EHBP1: variants seen among roughly 807,000 people sequenced by gnomAD.
The protein encoded by EHBP1 is EH domain binding protein 1.
A neutral mutation model predicts 144.0 loss-of-function variants in EHBP1; 55 were observed. The observed-to-expected ratio is 0.38, with a 90% confidence interval of 0.31 to 0.48. The LOEUF (loss-of-function observed/expected upper bound fraction) is 0.48, where lower values mean the gene tolerates loss of function less well. Among genes scored for constraint, EHBP1 ranks in the 20% least tolerant of loss-of-function variants. The pLI is 0.98. For missense variants in EHBP1, 1,200 were observed against 1,364.2 expected, an observed-to-expected ratio of 0.88 and a Z score of 1.90; for synonymous variants, 469 against 472.7, an observed-to-expected ratio of 0.99 and a Z score of 0.10.
At chr2:62,684,444 G>A (rs1357739736) in intron 1 of EHBP1, among the ~76,000 whole-genome samples, 1 of 152,106 alleles carries the variant, frequency 6.6e-6, no homozygotes, top group Non-Finnish European at 1.5e-5. Flanking sequence ...TTGAAAAGTC[G>A]GTTCTTCAAG....
At chr2:62,984,766 A>G (rs1559025009) in intron 15 of EHBP1, among the ~76,000 whole-genome samples, 1 of 152,192 alleles carries the variant, frequency 6.6e-6, no homozygotes. Context: ...CTTTTATCTA[A>G]GGTTAGCAGT....
At chr2:62,983,590 G>A (rs1348761630) in intron 15 of EHBP1, among the ~76,000 whole-genome samples, 5 of 152,140 alleles carry the variant, frequency 3.3e-5, no homozygotes, top group Non-Finnish European at 7.4e-5. Flanking sequence ...GCCCAAGCTG[G>A]AGTGCAATGG....
At chr2:62,779,016 A>G (rs1325806186) in intron 5 of EHBP1, among the ~76,000 whole-genome samples, 4 of 152,142 alleles carry the variant, frequency 2.6e-5, no homozygotes, top group Admixed American at 2.6e-4. Flanking sequence ...TCAAGAATAC[A>G]TTTCCAAAGG....
chr2:62,887,282 G>C (rs1028782863), intron 10 of EHBP1, among the ~76,000 whole-genome samples: 3 of 152,070 alleles, frequency 2.0e-5, no homozygotes, highest in African/African-American at 7.2e-5. Flanking sequence ...AAAATCAAGA[G>C]TTCTATTACT....
At chr2:63,033,698 C>A (rs1180445378) in intron 19 of EHBP1, among the ~76,000 whole-genome samples, 1 of 151,922 alleles carries the variant, frequency 6.6e-6, no homozygotes, top group African/African-American at 2.4e-5. Flanking sequence ...GTTGAAAATA[C>A]TACTTCTGAA....
chr2:62,690,578 T>C (rs2033873989), intron 1 of EHBP1, among the ~76,000 whole-genome samples: 1 of 151,868 alleles, frequency 6.6e-6, no homozygotes, highest in South Asian at 2.1e-4. Flanking sequence ...AATAAATTAA[T>C]TAAATAAAAA....
intron 19 of EHBP1, among the ~76,000 whole-genome samples, chr2:63,012,047 C>T (rs1342431032): frequency 6.6e-6 from 1 of 151,412 alleles, no homozygotes; most frequent in Non-Finnish European, 1.5e-5. Flanking sequence ...TTTGTTGTTA[C>T]CGTTGTTGTT....
intron 7 of EHBP1, among the ~76,000 whole-genome samples, chr2:62,855,390 T>A (rs1281943697): frequency 6.6e-5 from 10 of 152,126 alleles, no homozygotes; most frequent in Admixed American, 4.6e-4. Flanking sequence ...AGCTCCATGC[T>A]GGCCTGCAGG....
intron 19 of EHBP1, among the ~76,000 whole-genome samples, chr2:63,002,994 CT>C (rs1473787907): frequency 6.6e-6 from 1 of 151,954 alleles, no homozygotes; most frequent in Admixed American, 6.6e-5. Flanking sequence ...TTTCTCATTT[CT>C]TATCCTACAA....
intron 15 of EHBP1, chr2:62,988,135 T>C (rs1208777081): frequency 1.4e-6 from 1 of 714,410 alleles, no homozygotes; most frequent in African/African-American, 1.9e-5. Context: ...ATTTTGTAGT[T>C]TTATTACATC....
intron 8 of EHBP1, among the ~76,000 whole-genome samples, chr2:62,862,882 A>G (rs993326280): frequency 6.6e-6 from 1 of 152,180 alleles, no homozygotes; most frequent in Non-Finnish European, 1.5e-5. Context: ...TTTATTACAA[A>G]TTCTTGTTTT....
chr2:62,734,886 G>T (rs1257467042), intron 2 of EHBP1, among the ~76,000 whole-genome samples: 1 of 152,142 alleles, frequency 6.6e-6, no homozygotes, highest in Non-Finnish European at 1.5e-5. Context: ...GAGCCACTGT[G>T]CATGGCCCTT....
In EHBP1 at chr2:62,993,874, T is replaced by C; in HGVS notation, c.2876T>C (p.Met959Thr). 1 of 1,540,292 alleles carries C rather than the reference T, an allele frequency of 6.5e-7. No homozygotes were observed. The highest frequency in any genetic ancestry group is 8.7e-7 in the Non-Finnish European group (1 of 1,145,490). The change falls in exon 18 of 23, where the codon ATG becomes ACG. Residue 959 changes from methionine to threonine, a missense_variant. Physicochemically the swap from Met to Thr is moderately conservative, Grantham distance 81. Around this residue, in one of 6 missense-constraint regions of EHBP1, gnomAD observed 543 missense variants for 513.1 expected, o/e 1.06. Transcript: ENST00000431489. ...FSQYIENRPE[M>T]KRQRSIQEDT... ...TCTTTCCTCTTTTTTTTTTAAGAGA[T>C]GAAAAGGCAGAGATCAATACAGGAA...
intron 10 of EHBP1, among the ~76,000 whole-genome samples, chr2:62,919,241 TC>T (rs749089598): frequency 2.0e-5 from 3 of 152,242 alleles, no homozygotes; most frequent in Admixed American, 1.3e-4. Flanking sequence ...TAAGCCCCTG[TC>T]TGCTCTTGCT....
At chr2:63,021,801 CTG>C (rs2060761314) in intron 19 of EHBP1, among the ~76,000 whole-genome samples, 1 of 151,916 alleles carries the variant, frequency 6.6e-6, no homozygotes, top group South Asian at 2.1e-4. Context: ...GAGTCTCACA[CTG>C]TCGCCCGGGC....
At chr2:62,816,058 A>G (rs1311379617) in intron 5 of EHBP1, among the ~76,000 whole-genome samples, 5 of 152,218 alleles carry the variant, frequency 3.3e-5, no homozygotes. Context: ...TATAAAATCA[A>G]ATACGAAGAC....
intron 19 of EHBP1, among the ~76,000 whole-genome samples, chr2:63,008,650 C>T: frequency 7.0e-6 from 1 of 143,044 alleles, no homozygotes; most frequent in South Asian, 2.2e-4. Flanking sequence ...TGGCTTTCTG[C>T]CTTTTAGTTT....
chr2:62,773,498 T>C (rs1188671384), intron 5 of EHBP1, among the ~76,000 whole-genome samples: 1 of 152,154 alleles, frequency 6.6e-6, no homozygotes, highest in South Asian at 2.1e-4. Flanking sequence ...CAATAAATAT[T>C]TATTGAAGGA....
rs144654934 is a variant in EHBP1, at chr2:63,036,193, A to G, written c.3104-1342A>G. Among the ~76,000 whole-genome samples the G allele has an allele frequency of 7.1e-3, 1,087 of 152,216 alleles. 11 individuals are homozygous for G. Among genetic ancestry groups the G allele is most frequent in the African/African-American group, 0.024 (993 of 41,574 alleles). ...TGTATTAATGTAGAAATACTTAAAT[A>G]AATTATGGTATGCTCATAATTTATG... is the stretch of plus-strand genomic sequence containing the variant. On this transcript the variant is annotated intron_variant, in intron 19 of 22. Transcript: ENST00000431489.
Sources: allele counts gnomAD v4.1 joint callset (sites outside exome capture counted in the v4.1 genomes callset), GRCh38; gene constraint gnomAD v4.1.1; regional missense constraint gnomAD v4.1.1; transcripts MANE v1.5; gene names NCBI Gene and HGNC (gene_info 2026-07-23, HGNC 2026-07-21).